The following MYO18B variants were observed in gnomAD, a reference collection of about 807,000 sequenced individuals.
MYO18B encodes myosin XVIIIB, also known as unconventional myosin-XVIIIb.
In MYO18B, 204 loss-of-function variants were observed where a neutral mutation model predicts 273.0. The observed-to-expected ratio is 0.75, with a 90% CI of 0.67 to 0.84. The LOEUF is 0.84. Ranked by LOEUF, MYO18B falls within the 40% of genes least tolerant of loss-of-function variation. The pLI, the probability that MYO18B is intolerant of heterozygous loss-of-function variation, is 0.00. For missense variants in MYO18B, 3,212 were observed against 3,287.6 expected, an observed-to-expected ratio of 0.98 and a Z score of 0.56; for synonymous variants, 1,330 against 1,305.7, an observed-to-expected ratio of 1.02 and a Z score of -0.40.
chr22:25,943,577 G>A (rs889501271), intron 34 of MYO18B, among the ~76,000 whole-genome samples: 7 of 152,048 alleles, frequency 4.6e-5, no homozygotes, highest in South Asian at 2.1e-4. Flanking sequence ...CTGCCCTGCC[G>A]CACTAGTGAG....
chr22:25,979,556 A>G (rs953883398), intron 39 of MYO18B, among the ~76,000 whole-genome samples: 7 of 152,096 alleles, frequency 4.6e-5, no homozygotes, highest in Non-Finnish European at 8.8e-5. Context: ...CTCAGTTGGT[A>G]TCAACTTTGA....
At chr22:25,792,661 AT>A in intron 11 of MYO18B, among the ~76,000 whole-genome samples, 1 of 151,568 alleles carries the variant, frequency 6.6e-6, no homozygotes. Context: ...TGCCCAGCTA[AT>A]TTTTTTATTT....
intron 41 of MYO18B, among the ~76,000 whole-genome samples, chr22:26,004,236 C>T (rs777100933): frequency 4.0e-5 from 6 of 150,010 alleles, no homozygotes; most frequent in South Asian, 2.1e-4. Flanking sequence ...CTTTCTGTGC[C>T]GCTTTCAGAA....
At chr22:25,823,808 T>A in intron 13 of MYO18B, 130 bp downstream of exon 13, 1 of 981,832 alleles carries the variant, frequency 1.0e-6, no homozygotes, top group Non-Finnish European at 1.5e-6. Context: ...GTGTGTTAGA[T>A]GCAGGGGAAG....
intron 39 of MYO18B, among the ~76,000 whole-genome samples, chr22:25,957,392 T>G (rs778191236): frequency 6.6e-6 from 1 of 152,200 alleles, no homozygotes; most frequent in Non-Finnish European, 1.5e-5. Flanking sequence ...TGAATCAAAA[T>G]GGACACAACA....
rs133872 is a variant in MYO18B, at chr22:25,760,464, C to A, written c.-109-520C>A. ...AAAACAAATAATAGTGGTTTCCCTT[C>A]AGGAAATATTGACCAGAAGGGAGCA... On this transcript the variant is annotated intron_variant, in intron 1 of 43. Transcript: ENST00000335473. 2.1e-5 allele frequency among the ~76,000 whole-genome samples: 3 copies of A among 145,230 alleles called. No homozygotes were observed. In the Admixed American group the frequency reaches 2.1e-4, roughly 10 times the overall value.
At chr22:25,985,205 AC>A (rs2093187872) in intron 39 of MYO18B, among the ~76,000 whole-genome samples, 1 of 152,136 alleles carries the variant, frequency 6.6e-6, no homozygotes, top group Non-Finnish European at 1.5e-5. Flanking sequence ...TACTAAAAAT[AC>A]AAAAATTAGC....
intron 3 of MYO18B, among the ~76,000 whole-genome samples, chr22:25,767,652 A>G (rs1473924501): frequency 6.6e-6 from 1 of 152,228 alleles, no homozygotes; most frequent in East Asian, 1.9e-4. Context: ...CTACTCGCCT[A>G]GGAAAAATCC....
In MYO18B at chr22:25,836,699, G is replaced by A. The variant is rs1263641131; in HGVS notation, c.3208+1256G>A. 5.9e-5 allele frequency among the ~76,000 whole-genome samples: 9 copies of A among 152,080 alleles called. No homozygotes were observed. The East Asian group carries it at 1.5e-3, about 26-fold the overall frequency. ...GTAGTGGCCGGGCGCAGTGGCTCAC[G>A]CCTGTAATCACAGCACTTTGGGAGG... On this transcript the variant is annotated intron_variant, in intron 17 of 43. Coordinates refer to ENST00000335473, the MANE Select transcript of MYO18B (RefSeq NM_032608.7).
intron 4 of MYO18B, 52 bp from the exon 5 acceptor site, chr22:25,770,058 G>A (rs1289298046): frequency 1.3e-6 from 2 of 1,580,528 alleles, no homozygotes; most frequent in South Asian, 2.2e-5. Context: ...TAAGGTAGAA[G>A]ATGGGCAGCG....
At chr22:25,744,056 C>T (rs1300988169) in intron 1 of MYO18B, among the ~76,000 whole-genome samples, 2 of 152,182 alleles carry the variant, frequency 1.3e-5, no homozygotes, top group Non-Finnish European at 2.9e-5. Context: ...AAGAGCTTTT[C>T]CTTTCACTTG....
chr22:25,879,060 G>T (rs576078237), intron 25 of MYO18B, among the ~76,000 whole-genome samples: 3 of 152,244 alleles, frequency 2.0e-5, no homozygotes, highest in Non-Finnish European at 4.4e-5. Flanking sequence ...GAGTGAAAAT[G>T]AATGAAGAGA....
intron 33 of MYO18B, among the ~76,000 whole-genome samples, 190 bp from the exon 34 acceptor site, chr22:25,921,067 C>G (rs544975091): frequency 6.6e-6 from 1 of 152,306 alleles, no homozygotes; most frequent in African/African-American, 2.4e-5. Context: ...CACAGCAGCC[C>G]AATGTGGTTG....
At chr22:26,018,885 G>C (rs928752521) in intron 42 of MYO18B, among the ~76,000 whole-genome samples, 2 of 152,178 alleles carry the variant, frequency 1.3e-5, no homozygotes, top group Non-Finnish European at 2.9e-5. Context: ...GAACCTGGGA[G>C]GTAGAGGTTG....
chr22:25,845,528 A>C (rs899356032), intron 18 of MYO18B, among the ~76,000 whole-genome samples: 1 of 145,284 alleles, frequency 6.9e-6, no homozygotes, highest in African/African-American at 2.6e-5. Flanking sequence ...AAAAACCAAC[A>C]ACAACAACAA....
chr22:25,781,868 G>T (rs1472363840), intron 10 of MYO18B, 34 bp downstream of exon 10: 1 of 1,412,012 alleles, frequency 7.1e-7, no homozygotes, highest in South Asian at 1.5e-5. Flanking sequence ...ACAGCTGAGG[G>T]CAGTGCGACA....
rs145347911 is a variant in MYO18B, at chr22:25,993,068, G to C, written c.6287+575G>C. Among the ~76,000 whole-genome samples the C allele has an allele frequency of 5.9e-3, 892 of 152,244 alleles. 9 individuals carry two copies. The highest frequency in any genetic ancestry group is 0.021 in the African/African-American group (852 of 41,532). On this transcript the variant is annotated intron_variant, in intron 40 of 43. Transcript: ENST00000335473. ...TTGCAAAGTTGGGCTGGTAATTAGCGAGACCACCCAAGTTCAATGGCAGGG... is the reference window on the plus strand; with the variant it reads ...TTGCAAAGTTGGGCTGGTAATTAGCCAGACCACCCAAGTTCAATGGCAGGG...
rs1211323868 is a variant in MYO18B, at chr22:25,955,267, G to A, written c.6059G>A (p.Ser2020Asn). Residue 2020 changes from serine (S) to asparagine (N), a missense_variant, in exon 39 of 44, where the codon AGC becomes AAC. Ser to Asn is a conservative substitution (Grantham distance 46, BLOSUM62 1). Coordinates refer to ENST00000335473, the MANE Select transcript of MYO18B (RefSeq NM_032608.7). The stretch of plus-strand genomic sequence containing the variant: ...ACCTCCGAGTCCCAGCAGCGGGAGA[G>A]CAGCCAGTACTACCAGCGGCGCCTG... Reference protein sequence around the residue: ...AATSESQQRESSQYYQRRLEE... With the variant: ...AATSESQQRENSQYYQRRLEE... The A allele has an allele frequency of 1.9e-6, 3 of 1,613,698 alleles. No individual in the cohort carries two copies. The Admixed American group carries it at 5.0e-5, about 27-fold the overall frequency.
At chr22:26,011,601 G>C (rs1934928988) in intron 42 of MYO18B, among the ~76,000 whole-genome samples, 1 of 152,190 alleles carries the variant, frequency 6.6e-6, no homozygotes, top group Non-Finnish European at 1.5e-5. Flanking sequence ...AGTGTTTGGG[G>C]TCCCCATTCA....
Sources: allele counts gnomAD v4.1 joint callset (sites outside exome capture counted in the v4.1 genomes callset), GRCh38; gene constraint gnomAD v4.1.1; transcripts MANE v1.5; gene names NCBI Gene and HGNC (gene_info 2026-07-23, HGNC 2026-07-21).